PCNT: variants seen among roughly 807,000 people sequenced by gnomAD.
PCNT encodes the protein pericentrin.
In PCNT, 319 loss-of-function variants were observed where a neutral mutation model predicts 380.4. The ratio of observed to expected loss-of-function variants is 0.84; its 90% CI spans 0.77 to 0.92. The LOEUF (loss-of-function observed/expected upper bound fraction) is 0.92, where lower values mean the gene tolerates loss of function less well. PCNT is among the 40% of genes least tolerant of loss of function. PCNT has a pLI of 0.00. For missense variants in PCNT, 4,400 were observed against 4,255.3 expected (o/e 1.03, Z -0.95); for synonymous variants, 1,845 against 1,735.2 (o/e 1.06, Z -1.57).
Position 46,389,441 on chromosome 21 carries a change from A to G in PCNT, c.3840+10A>G. ...GGACTCCAGCAGGCAGGTGAGGCCC[A>G]GGCTCCCGGGGTCCTGTGGAGATGT... On this transcript the variant is annotated intron_variant, in intron 19 of 46. Coordinates refer to ENST00000359568, the MANE Select transcript of PCNT (RefSeq NM_006031.6). 6.2e-7 allele frequency: 1 copy of G among 1,608,074 alleles called. No homozygotes were observed. The highest frequency in any genetic ancestry group is 8.5e-7 in the Non-Finnish European group (1 of 1,174,744).
At chr21:46,324,540 C>G (rs1173485617) in intron 1 of PCNT, among the ~76,000 whole-genome samples, 1 of 108,006 alleles carries the variant, frequency 9.3e-6, no homozygotes, top group Non-Finnish European at 2.0e-5. Flanking sequence ...CTCGGGCGGG[C>G]CGGGGCGGGG....
chr21:46,381,976 C>T (rs1432325719), intron 16 of PCNT, 136 bp downstream of exon 16: 8 of 868,968 alleles, frequency 9.2e-6, no homozygotes, highest in East Asian at 3.1e-5. Context: ...CATTCAGTGG[C>T]GGAAGCGCAT....
Position 46,445,480 on chromosome 21 carries a change from T to C in PCNT, c.*153T>C, listed in dbSNP as rs993560773. ...ATGCCTTGAATTAAGTGTCCTCACCTTTATGCATGACTGCAAAGCCAGCTG... is the reference window on the plus strand; with the variant it reads ...ATGCCTTGAATTAAGTGTCCTCACCCTTATGCATGACTGCAAAGCCAGCTG... On this transcript the variant is annotated 3_prime_UTR_variant, in exon 47 of 47. Transcript: ENST00000359568. 2.6e-5 allele frequency: 19 copies of C among 724,184 alleles called. No homozygotes were observed. In the African/African-American group the frequency reaches 3.3e-4, roughly 13 times the overall value. The allele number at this position is 724,184 out of a possible 1,614,324, so 44.9% of individuals were successfully genotyped here. A position where few individuals can be genotyped will look rare whatever the true frequency, so the allele number is the denominator to read the frequency against.
intron 15 of PCNT, among the ~76,000 whole-genome samples, chr21:46,376,582 C>A (rs569804334): frequency 1.2e-3 from 189 of 152,292 alleles, no homozygotes; most frequent in African/African-American, 4.5e-3. Context: ...TTTCCCAGTC[C>A]CTTGGCCTCT....
Position 46,381,709 on chromosome 21 carries a change from G to GA in PCNT, c.3185dup (p.Lys1063GlufsTer6). Reference sequence around the variant, plus strand: ...ATGTGTACAGGGTGAATTTGGAAGTGAAAAGAAAACTGCTTTGCATGAAAA... The same window carrying GA: ...ATGTGTACAGGGTGAATTTGGAAGTGAAAAAGAAAACTGCTTTGCATGAAAA... On this transcript the variant is annotated frameshift_variant, in exon 16 of 47. Coordinates refer to ENST00000359568, the MANE Select transcript of PCNT (RefSeq NM_006031.6). LOFTEE classifies it high-confidence loss of function. The GA allele has an allele frequency of 1.2e-6, 2 of 1,613,998 alleles. No homozygotes were observed. Among genetic ancestry groups the GA allele is most frequent in the Non-Finnish European group, 1.7e-6 (2 of 1,179,860 alleles).
chr21:46,394,223 C>T (rs2086132441), intron 21 of PCNT, among the ~76,000 whole-genome samples: 2 of 152,226 alleles, frequency 1.3e-5, no homozygotes, highest in Admixed American at 6.5e-5. Flanking sequence ...GGCCCTGCCT[C>T]GCCGTGTTGC....
Position 46,431,755 on chromosome 21 carries a change from AG to A in PCNT, c.8292del (p.Glu2764AspfsTer4). On this transcript the variant is annotated frameshift_variant, in exon 38 of 47. Transcript: ENST00000359568. LOFTEE classifies it high-confidence loss of function. ...TLELSEALRH[E>X]RLLTEQLSQR... ...GAGCTGTCAGAGGCCTTGCGGCACG[AG>A]CGGCTCCTGACCGAGCAGCTGAGCC... 6.2e-7 allele frequency: 1 copy of A among 1,612,648 alleles called. No homozygotes were observed. The highest frequency in any genetic ancestry group is 1.1e-5 in the South Asian group (1 of 91,058).
In PCNT at chr21:46,357,081, T is replaced by G. The variant is rs753906709; in HGVS notation, c.2044T>G (p.Ser682Ala). The G allele has an allele frequency of 6.2e-7, 1 of 1,614,026 alleles. No individual in the cohort carries two copies. Among genetic ancestry groups the G allele is most frequent in the Non-Finnish European group, 8.5e-7 (1 of 1,179,884 alleles). Residue 682 changes from serine (S) to alanine (A), a missense_variant, in exon 13 of 47, where the codon TCG becomes GCG. Transcript: ENST00000359568. ...GGAAACTGAGCACAAGGTGCAACTT[T>G]CGCTTCTTCAGACTGAGCTCAAAGA... ...GLETEHKVQL[S>A]LLQTELKEEI...
chr21:46,366,786 C>G lies in PCNT; in HGVS notation c.2812C>G (p.Gln938Glu). The G allele has an allele frequency of 3.7e-6, 6 of 1,613,776 alleles. No homozygotes were observed. The highest frequency in any genetic ancestry group is 4.2e-6 in the Non-Finnish European group (5 of 1,180,038). ...GELTASLESK[Q>E]GALLAARVAE... ...GCTGACAGCCTCCTTAGAGAGCAAG[C>G]AGGGGGCTCTGCTGGCTGCACGTGT... Residue 938 changes from glutamine (Q) to glutamate (E), a missense_variant, in exon 15 of 47, where the codon CAG becomes GAG. By Grantham distance (29) the Gln-to-Glu change is conservative (BLOSUM62 2). Coordinates refer to ENST00000359568, the MANE Select transcript of PCNT (RefSeq NM_006031.6).
chr21:46,344,069 C>CTT (rs1336295644), intron 3 of PCNT, among the ~76,000 whole-genome samples: 2 of 142,330 alleles, frequency 1.4e-5, no homozygotes, highest in African/African-American at 2.6e-5. Flanking sequence ...CTTTTCTTTT[C>CTT]TTTTTTTTTT....
At chr21:46,438,437 G>A (rs977596953) in intron 41 of PCNT, 100 bp downstream of exon 41, 15 of 1,026,134 alleles carry the variant, frequency 1.5e-5, no homozygotes, top group Non-Finnish European at 2.1e-5. Context: ...AGGGACCTGG[G>A]GATGTGGGCG....
chr21:46,440,748 G>GA (rs1468303075), intron 42 of PCNT, 107 bp from the exon 43 acceptor site: 19 of 783,296 alleles, frequency 2.4e-5, no homozygotes, highest in African/African-American at 3.4e-5. Context: ...GATTTGATGG[G>GA]AAAAAACAAT....
At position 46,388,950 on chromosome 21, in the gene PCNT, T is replaced by TGA; in HGVS notation, c.3607+70_3607+71dup. On this transcript the variant is annotated intron_variant, in intron 18 of 46. Transcript: ENST00000359568. This position sits in a 1 kb window ranked among gnomAD's most constrained non-coding sequence, Gnocchi z 4.2. ...GCCCCTCTGTGGTCCTGGAGCTCTC[T>TGA]GAGAGGAGCCTCCGTATTGGGCGAT... 6.5e-7 allele frequency: 1 copy of TGA among 1,537,652 alleles called. No homozygotes were observed. The highest frequency in any genetic ancestry group is 1.2e-5 in the South Asian group (1 of 84,736).
intron 13 of PCNT, among the ~76,000 whole-genome samples, chr21:46,359,757 GTTTACA>G (rs1258079078): frequency 4.0e-5 from 6 of 151,698 alleles, no homozygotes; most frequent in Non-Finnish European, 5.9e-5. Flanking sequence ...AAATTTTTGG[GTTTACA>G]GGCGTGAGCC....
chr21:46,324,286 A>C lies in PCNT; in HGVS notation c.54+4A>C, dbSNP rs1350897055. ...GGTGGAGGCCGGGAGGACGAAGGTA[A>C]ACATTAGGGGCTTCTTCTCTAGCTG... On this transcript the variant is annotated splice_donor_region_variant and intron_variant, in intron 1 of 46. Transcript: ENST00000359568. 3.1e-6 allele frequency: 5 copies of C among 1,608,126 alleles called. No individual in the cohort carries two copies. In the South Asian group the frequency reaches 5.5e-5, roughly 18 times the overall value.
At chr21:46,381,646 G>A (rs1295159690) in intron 15 of PCNT, 48 bp from the exon 16 acceptor site, 1 of 1,567,068 alleles carries the variant, frequency 6.4e-7, no homozygotes, top group African/African-American at 1.4e-5. Flanking sequence ...AGCAAAGAAA[G>A]TATTTTTCTA....
In PCNT at chr21:46,440,203, G is replaced by A. The variant is rs369066052; in HGVS notation, c.9393+1G>A. 96 of 1,613,896 alleles carry A rather than the reference G, an allele frequency of 5.9e-5. No individual in the cohort carries two copies. Among genetic ancestry groups the A allele is most frequent in the Non-Finnish European group, 7.7e-5 (91 of 1,180,044 alleles). The stretch of plus-strand genomic sequence containing the variant: ...GGAAGCACACACCAGCAATGTCAAG[G>A]TAGGAACGGTGCCACGAGTATAGAA... On this transcript the variant is annotated splice_donor_variant, in intron 42 of 46. Coordinates refer to ENST00000359568, the MANE Select transcript of PCNT (RefSeq NM_006031.6). LOFTEE classifies it high-confidence loss of function.
intron 15 of PCNT, among the ~76,000 whole-genome samples, chr21:46,373,790 C>G (rs1429696209): frequency 3.1e-5 from 4 of 128,550 alleles, no homozygotes; most frequent in Non-Finnish European, 4.6e-5. Context: ...AGTGCAGTGG[C>G]ATGATCTTGG....
chr21:46,437,201 G>C (rs896296407), intron 40 of PCNT, 120 bp downstream of exon 40: 10 of 704,702 alleles, frequency 1.4e-5, no homozygotes, highest in African/African-American at 1.2e-4. Flanking sequence ...TGCCTTCTCT[G>C]AATTCATGGT....
Sources: gnomAD v4.1 joint callset for allele counts (sites outside exome capture counted in the v4.1 genomes callset) on GRCh38, gnomAD v4.1.1 for gene constraint, Gnocchi (gnomAD v3.1) non-coding constraint, MANE v1.5 for transcripts, NCBI Gene and HGNC (gene_info 2026-07-23, HGNC 2026-07-21) for gene names.